Variants in GRID2 observed in about 807,000 individuals in gnomAD.
The protein encoded by GRID2 is glutamate receptor ionotropic, delta-2.
In GRID2, 33 loss-of-function variants were observed where a neutral mutation model predicts 114.8. The observed-to-expected ratio is 0.29, with a 90% CI of 0.22 to 0.38. GRID2 has a LOEUF of 0.38. Ranked by LOEUF, GRID2 falls within the 10% of genes least tolerant of loss-of-function variation. The probability of loss-of-function intolerance (pLI) is 1.00; values close to 1 mark genes in which losing one functional copy is unlikely to be tolerated. For missense variants in GRID2, 1,184 were observed against 1,257.7 expected (o/e 0.94, Z 0.89); for synonymous variants, 505 against 449.9 (o/e 1.12, Z -1.55).
At chr4:92,441,908 A>C (rs1186507948) in intron 1 of GRID2, among the ~76,000 whole-genome samples, 4 of 152,004 alleles carry the variant, frequency 2.6e-5, no homozygotes, top group Non-Finnish European at 5.9e-5. Context: ...TAGTCAGGGA[A>C]GCAGATAATT....
intron 14 of GRID2, among the ~76,000 whole-genome samples, chr4:93,681,785 T>G (rs749960640): frequency 1.3e-5 from 2 of 152,166 alleles, no homozygotes; most frequent in Non-Finnish European, 2.9e-5. Flanking sequence ...TAATTCAAGT[T>G]GGATTAAAGA....
intron 2 of GRID2, among the ~76,000 whole-genome samples, chr4:92,973,560 T>C (rs928497709): frequency 6.6e-6 from 1 of 152,180 alleles, no homozygotes; most frequent in Non-Finnish European, 1.5e-5. Flanking sequence ...GCAATTAGTT[T>C]ATATGCCAGT....
At chr4:93,109,044 T>C (rs7699510) in intron 3 of GRID2, among the ~76,000 whole-genome samples, 64,357 of 152,006 alleles carry the variant, frequency 0.42, 14,116 homozygotes, top group Admixed American at 0.58. Context: ...ATCTGCTTAG[T>C]ATGTACATAG....
chr4:93,269,993 T>C (rs1187775739), intron 8 of GRID2, among the ~76,000 whole-genome samples: 1 of 152,092 alleles, frequency 6.6e-6, no homozygotes, highest in Non-Finnish European at 1.5e-5. Flanking sequence ...GGCAAAGACA[T>C]AGGGATGCTG....
chr4:93,159,990 T>A (rs1245058674), intron 4 of GRID2, among the ~76,000 whole-genome samples: 1 of 151,812 alleles, frequency 6.6e-6, no homozygotes, highest in Non-Finnish European at 1.5e-5. Flanking sequence ...TCAGTTGTTA[T>A]CCTAGAATGT....
chr4:92,946,496 C>CCT (rs1751640864), intron 2 of GRID2, among the ~76,000 whole-genome samples: 1 of 152,028 alleles, frequency 6.6e-6, no homozygotes. Context: ...TTTCTTCCCC[C>CCT]CCAAAATTAT....
chr4:92,644,472 A>T (rs1463462483), intron 2 of GRID2, among the ~76,000 whole-genome samples: 1 of 151,732 alleles, frequency 6.6e-6, no homozygotes, highest in Non-Finnish European at 1.5e-5. Flanking sequence ...TCTCATTTTT[A>T]TTCAGCTCTT....
intron 7 of GRID2, among the ~76,000 whole-genome samples, chr4:93,225,544 AT>A (rs1229342099): frequency 6.6e-6 from 1 of 152,176 alleles, no homozygotes; most frequent in Non-Finnish European, 1.5e-5. Flanking sequence ...GGAAGTTTAT[AT>A]TCTGTATTTT....
chr4:92,318,009 T>G (rs1470317835), intron 1 of GRID2, among the ~76,000 whole-genome samples: 1 of 152,142 alleles, frequency 6.6e-6, no homozygotes, highest in African/African-American at 2.4e-5. Context: ...TGTATTGATA[T>G]TCCTGTCAAT....
chr4:92,772,410 A>C (rs1578171658), intron 2 of GRID2, among the ~76,000 whole-genome samples: 1 of 152,090 alleles, frequency 6.6e-6, no homozygotes, highest in Admixed American at 6.6e-5. Flanking sequence ...TTCTTCCTGC[A>C]GTTTATGGCG....
At chr4:93,011,007 G>A (rs1160194497) in intron 2 of GRID2, among the ~76,000 whole-genome samples, 1 of 151,254 alleles carries the variant, frequency 6.6e-6, no homozygotes, top group Non-Finnish European at 1.5e-5. Context: ...GACCTTTTTA[G>A]ATTTCATTTC....
intron 2 of GRID2, among the ~76,000 whole-genome samples, chr4:92,651,447 G>A (rs937768095): frequency 2.0e-5 from 3 of 152,166 alleles, no homozygotes; most frequent in South Asian, 2.1e-4. Flanking sequence ...ATTGGATGAC[G>A]ATAGGAGTGC....
At chr4:93,489,468 C>A (rs780596922) in intron 11 of GRID2, among the ~76,000 whole-genome samples, 1 of 151,794 alleles carries the variant, frequency 6.6e-6, no homozygotes, top group Non-Finnish European at 1.5e-5. Context: ...TTAAAGAGTC[C>A]TGGGAAGCCA....
chr4:92,849,807 T>G (rs1173814859), intron 2 of GRID2, among the ~76,000 whole-genome samples: 1 of 151,790 alleles, frequency 6.6e-6, no homozygotes, highest in African/African-American at 2.4e-5. Flanking sequence ...GAACCAAGAC[T>G]TTTTACAATA....
rs747717937 is a variant in GRID2, at chr4:93,772,409, A to G, written c.2935A>G (p.Ile979Val). Residue 979 changes from isoleucine (I) to valine (V), a missense_variant, in exon 16 of 16, where the codon ATA (isoleucine) becomes GTA (valine). Coordinates refer to ENST00000282020, the MANE Select transcript of GRID2 (RefSeq NM_001510.4). ...TAATGGGGGCTTTTTCAGGAGTCCT[A>G]TAAAAACAATGTCATCTATTCCTTA... ...APNGGFFRSP[I>V]KTMSSIPYQP... is the part of the protein sequence containing the mutation. 8.1e-6 allele frequency: 13 copies of G among 1,613,798 alleles called. No individual in the cohort carries two copies. Among genetic ancestry groups the G allele is most frequent in the African/African-American group, 4.0e-5 (3 of 74,888 alleles).
intron 1 of GRID2, among the ~76,000 whole-genome samples, chr4:92,360,906 TA>T (rs773311498): frequency 2.2e-4 from 34 of 152,022 alleles, no homozygotes; most frequent in Non-Finnish European, 3.8e-4. Context: ...AAGATATAGA[TA>T]TTTTTCTAGG....
chr4:92,678,727 A>G (rs2149282389), intron 2 of GRID2, among the ~76,000 whole-genome samples: 1 of 152,064 alleles, frequency 6.6e-6, no homozygotes, highest in Admixed American at 6.5e-5. Flanking sequence ...ATGAGTTATC[A>G]GAGAGTGTAA....
chr4:93,736,281 G>C (rs559298553), intron 14 of GRID2, among the ~76,000 whole-genome samples: 1 of 152,016 alleles, frequency 6.6e-6, no homozygotes, highest in Non-Finnish European at 1.5e-5. Flanking sequence ...ACCCACTATA[G>C]CACTTACTCT....
At position 93,515,347 on chromosome 4, in the gene GRID2, G is replaced by A. The variant is rs760655946; in HGVS notation, c.2129G>A (p.Arg710Gln). ...ERDSMYSQMW[R>Q]MINRSNGSEN... is the part of the protein sequence containing the mutation. Reference sequence around the variant, plus strand: ...GACAGCATGTATTCCCAAATGTGGCGGATGATCAACCGAAGCAATGGATCG... The same window carrying A: ...GACAGCATGTATTCCCAAATGTGGCAGATGATCAACCGAAGCAATGGATCG... Residue 710 changes from arginine (R) to glutamine (Q), a missense_variant, in exon 13 of 16, where the codon CGG becomes CAG. Arg to Gln is a conservative substitution (Grantham distance 43). Coordinates refer to ENST00000282020, the MANE Select transcript of GRID2 (RefSeq NM_001510.4). 1.4e-5 allele frequency: 23 copies of A among 1,612,790 alleles called. No homozygotes were observed. Among genetic ancestry groups the A allele is most frequent in the Middle Eastern group, 1.6e-4 (1 of 6,066 alleles).
Sources: allele counts gnomAD v4.1 joint callset (sites outside exome capture counted in the v4.1 genomes callset), GRCh38; gene constraint gnomAD v4.1.1; transcripts MANE v1.5; gene names NCBI Gene and HGNC (gene_info 2026-07-23, HGNC 2026-07-21).